KIF6: variants seen among roughly 807,000 people sequenced by gnomAD.
KIF6 encodes kinesin-like protein KIF6.
Under a neutral mutation model 112.7 loss-of-function variants are expected in KIF6, and 106 were observed. The observed-to-expected ratio is 0.94, with a 90% CI of 0.80 to 1.11. KIF6 has a LOEUF of 1.11. Among genes scored for constraint, KIF6 ranks in the 50% least tolerant of loss-of-function variants. The pLI, the probability that KIF6 is intolerant of heterozygous loss-of-function variation, is 0.00. For missense variants in KIF6, 929 were observed against 964.0 expected (o/e 0.96, Z 0.48); for synonymous variants, 339 against 339.9 (o/e 1.00, Z 0.03).
At chr6:39,510,463 G>A (rs897071561) in intron 13 of KIF6, among the ~76,000 whole-genome samples, 1 of 152,084 alleles carries the variant, frequency 6.6e-6, no homozygotes, top group Admixed American at 6.6e-5. Context: ...ACAGGTGAAG[G>A]AGAAATAAAA....
At chr6:39,503,983 G>A (rs1161723543) in intron 13 of KIF6, among the ~76,000 whole-genome samples, 3 of 152,116 alleles carry the variant, frequency 2.0e-5, no homozygotes. Flanking sequence ...TGAAAAGGAG[G>A]GACTCCTTCC....
intron 6 of KIF6, among the ~76,000 whole-genome samples, chr6:39,606,517 G>T (rs1270520038): frequency 1.3e-5 from 2 of 152,108 alleles, no homozygotes; most frequent in Non-Finnish European, 2.9e-5. Context: ...TAGAGGATAG[G>T]TGAGGAAATA....
intron 3 of KIF6, among the ~76,000 whole-genome samples, chr6:39,711,947 T>A (rs1298545001): frequency 6.6e-6 from 1 of 151,778 alleles, no homozygotes; most frequent in African/African-American, 2.4e-5. Context: ...TTGAGAAAAA[T>A]ACAAATGTTT....
intron 3 of KIF6, among the ~76,000 whole-genome samples, chr6:39,647,669 C>T (rs936793631): frequency 6.6e-6 from 1 of 151,552 alleles, no homozygotes; most frequent in African/African-American, 2.4e-5. Flanking sequence ...AGGATTATGG[C>T]TATGTCAGGA....
At chr6:39,468,453 CA>C (rs1193371520) in intron 13 of KIF6, among the ~76,000 whole-genome samples, 1 of 151,916 alleles carries the variant, frequency 6.6e-6, no homozygotes, top group African/African-American at 2.4e-5. Flanking sequence ...AAGCTAAAGA[CA>C]AAGAGAAAAT....
At chr6:39,530,538 C>G (rs1462330677) in intron 13 of KIF6, among the ~76,000 whole-genome samples, 1 of 152,134 alleles carries the variant, frequency 6.6e-6, no homozygotes, top group African/African-American at 2.4e-5. Context: ...AAAACAACAA[C>G]AAAAAGCCCC....
chr6:39,474,838 T>C (rs999953665), intron 13 of KIF6, among the ~76,000 whole-genome samples: 4 of 152,258 alleles, frequency 2.6e-5, no homozygotes, highest in Admixed American at 6.5e-5. Context: ...TTGAACTGCC[T>C]TGCAGTGGGC....
chr6:39,487,501 T>C (rs1293788599), intron 13 of KIF6, among the ~76,000 whole-genome samples: 2 of 152,236 alleles, frequency 1.3e-5, no homozygotes, highest in South Asian at 2.1e-4. Context: ...GAGGCCTTTA[T>C]TGAGACAGCT....
intron 2 of KIF6, among the ~76,000 whole-genome samples, chr6:39,719,946 G>A (rs935802827): frequency 3.9e-5 from 6 of 152,058 alleles, no homozygotes; most frequent in Non-Finnish European, 7.4e-5. Flanking sequence ...CTCCACCACT[G>A]CACTCCAGCC....
chr6:39,450,484 G>T (rs1772619177), intron 13 of KIF6, among the ~76,000 whole-genome samples: 1 of 152,158 alleles, frequency 6.6e-6, no homozygotes, highest in Admixed American at 6.5e-5. Flanking sequence ...GCCCATTGAA[G>T]AAAACTGGGG....
chr6:39,546,288 C>T (rs1043797477), intron 10 of KIF6, among the ~76,000 whole-genome samples: 1 of 152,112 alleles, frequency 6.6e-6, no homozygotes, highest in African/African-American at 2.4e-5. Context: ...CCTCTTCCTG[C>T]TTTTATAGAT....
intron 16 of KIF6, among the ~76,000 whole-genome samples, chr6:39,380,179 C>G (rs1324617749): frequency 2.6e-5 from 4 of 152,242 alleles, no homozygotes; most frequent in African/African-American, 7.2e-5. Flanking sequence ...TCATTTCCAA[C>G]TGACGCCTAA....
At chr6:39,614,042 C>A (rs1436407868) in intron 5 of KIF6, among the ~76,000 whole-genome samples, 1 of 152,128 alleles carries the variant, frequency 6.6e-6, no homozygotes, top group Non-Finnish European at 1.5e-5. Context: ...ATGCCAACAC[C>A]GTTTCCTCCC....
chr6:39,621,196 GACAC>G lies in KIF6; in HGVS notation c.510-7882_510-7879del, dbSNP rs55752326. ...CTGTTTTAAATAACACCGTAAGATA[GACAC>G]ACACACACACACACACACACACACA... On this transcript the variant is annotated intron_variant, in intron 5 of 22. Coordinates refer to ENST00000287152, the MANE Select transcript of KIF6 (RefSeq NM_145027.6). Among the ~76,000 whole-genome samples the G allele has an allele frequency of 5.4e-3, 741 of 135,982 alleles. 8 individuals carry two copies. Among genetic ancestry groups the G allele is most frequent in the Admixed American group, 0.029 (378 of 13,260 alleles). 89.2% of individuals were successfully genotyped at this position (135,982 alleles called of 152,430 possible).
chr6:39,592,426 A>G lies in KIF6; in HGVS notation c.846+3628T>C, dbSNP rs1283408210. 2.0e-5 allele frequency among the ~76,000 whole-genome samples: 3 copies of G among 152,196 alleles called. No homozygotes were observed. The East Asian group carries it at 5.8e-4, about 29-fold the overall frequency. On this transcript the variant is annotated intron_variant, in intron 7 of 22. Transcript: ENST00000287152. ...CACTGACACCATTACTTTTTCTCCT[A>G]AACACAACACATTCAGTTGGAAACT... is the stretch of plus-strand genomic sequence containing the variant.
intron 13 of KIF6, among the ~76,000 whole-genome samples, chr6:39,439,179 G>A (rs1440614031): frequency 6.6e-6 from 1 of 152,170 alleles, no homozygotes; most frequent in East Asian, 1.9e-4. Context: ...TTCAGTGCTA[G>A]CAAAGAAAAA....
chr6:39,568,099 G>A lies in KIF6; in HGVS notation c.1181+9957C>T, dbSNP rs186484131. Reference sequence around the variant, plus strand: ...TGCTAGGTACTGCTTTAGGTTCTGGGGCAGGCACAGTGCTGAACAACTCAG... The same window carrying A: ...TGCTAGGTACTGCTTTAGGTTCTGGAGCAGGCACAGTGCTGAACAACTCAG... On this transcript the variant is annotated intron_variant, in intron 10 of 22. Coordinates refer to ENST00000287152, the MANE Select transcript of KIF6 (RefSeq NM_145027.6). Among the ~76,000 whole-genome samples, 113 of 152,304 alleles carry A rather than the reference G, an allele frequency of 7.4e-4. 1 individual carries two copies. The highest frequency in any genetic ancestry group is 6.8e-3 in the Middle Eastern group (2 of 294).
At chr6:39,506,796 T>C (rs1776449534) in intron 13 of KIF6, among the ~76,000 whole-genome samples, 1 of 152,058 alleles carries the variant, frequency 6.6e-6, no homozygotes, top group Admixed American at 6.5e-5. Flanking sequence ...CAGGCCATGA[T>C]TAGAGGGTTG....
At chr6:39,499,135 G>A (rs542719541) in intron 13 of KIF6, among the ~76,000 whole-genome samples, 1 of 152,294 alleles carries the variant, frequency 6.6e-6, no homozygotes, top group African/African-American at 2.4e-5. Flanking sequence ...TGGGCAGTGG[G>A]AAAACTGAGA....
Sources: gnomAD v4.1 joint callset for allele counts (sites outside exome capture counted in the v4.1 genomes callset) on GRCh38, gnomAD v4.1.1 for gene constraint, MANE v1.5 for transcripts, NCBI Gene and HGNC (gene_info 2026-07-23, HGNC 2026-07-21) for gene names.